ZNF700: variants seen among roughly 807,000 people sequenced by gnomAD.
ZNF700 encodes the protein zinc finger protein 700.
Under a neutral mutation model 65.3 loss-of-function variants are expected in ZNF700, and 38 were observed. The ratio of observed to expected loss-of-function variants is 0.58; its 90% CI spans 0.45 to 0.76. The LOEUF is 0.76. Among genes scored for constraint, ZNF700 ranks in the 30% least tolerant of loss-of-function variants. The pLI is 0.00. For synonymous variants in ZNF700, 285 were observed against 290.4 expected, an observed-to-expected ratio of 0.98 and a Z score of 0.19; for missense variants, 857 against 888.4, an observed-to-expected ratio of 0.96 and a Z score of 0.45.
intron 1 of ZNF700, among the ~76,000 whole-genome samples, chr19:11,943,427 T>G (rs780844620): frequency 1.3e-5 from 2 of 152,218 alleles, no homozygotes; most frequent in African/African-American, 2.4e-5. Flanking sequence ...GTTTTAGTAG[T>G]GATTATTTCT....
chr19:11,939,862 A>G (rs568761349), intron 1 of ZNF700: 1 of 152,344 alleles, frequency 6.6e-6, no homozygotes, highest in Admixed American at 6.5e-5. Context: ...ACAAATCTAC[A>G]TAAGTTCTGT....
chr19:11,927,210 C>T (rs1258838577), intron 1 of ZNF700, among the ~76,000 whole-genome samples: 1 of 151,852 alleles, frequency 6.6e-6, no homozygotes. Context: ...AAAAATTAGC[C>T]GGGTGTGGTG....
At chr19:11,931,883 A>G (rs566575238) in intron 1 of ZNF700, among the ~76,000 whole-genome samples, 8 of 148,302 alleles carry the variant, frequency 5.4e-5, no homozygotes, top group East Asian at 1.9e-4. Flanking sequence ...TAGGAGGTCA[A>G]TGCATGCAGA....
At chr19:11,925,843 ACC>A (rs1159997305) in intron 1 of ZNF700, among the ~76,000 whole-genome samples, 1 of 152,092 alleles carries the variant, frequency 6.6e-6, no homozygotes, top group East Asian at 1.9e-4. Context: ...GGGAAACACA[ACC>A]CCAAGCAGCC....
chr19:11,949,878 A>T lies in ZNF700; in HGVS notation c.1854A>T (p.Lys618Asn). ...ATGGTAGGACTCACACTGGAGAGAAACCCTATGAGTGTAAGCAATGTGGGA... is the reference window on the plus strand; with the variant it reads ...ATGGTAGGACTCACACTGGAGAGAATCCCTATGAGTGTAAGCAATGTGGGA... ...RKHGRTHTGE[K>N]PYECKQCGKA... Residue 618 changes from lysine to asparagine, a missense_variant, in exon 4 of 4, where the codon AAA becomes AAT. By Grantham distance (94) the Lys-to-Asn change is moderately conservative. Coordinates refer to ENST00000254321, the MANE Select transcript of ZNF700 (RefSeq NM_144566.3). 6.2e-7 allele frequency: 1 copy of T among 1,613,922 alleles called. No homozygotes were observed.
chr19:11,950,505 A>G lies in ZNF700; in HGVS notation c.*252A>G. ...TTCTAGTTCCGTTTGATATCATGAA[A>G]GGACTTACACTGGAGTGAAACCCTA... On this transcript the variant is annotated 3_prime_UTR_variant, in exon 4 of 4. Transcript: ENST00000254321. 1 of 647,554 alleles carries G rather than the reference A, an allele frequency of 1.5e-6. No individual in the cohort carries two copies. The highest frequency in any genetic ancestry group is 2.9e-5 in the East Asian group (1 of 34,006). The allele number at this position is 647,554 out of a possible 1,614,324, so 40.1% of individuals were successfully genotyped here.
chr19:11,927,405 C>G (rs930465686), intron 1 of ZNF700, among the ~76,000 whole-genome samples: 1 of 148,314 alleles, frequency 6.7e-6, no homozygotes. Flanking sequence ...GCCAACACAG[C>G]GAGACCCTGT....
At chr19:11,934,213 T>A (rs1972756349) in intron 1 of ZNF700, among the ~76,000 whole-genome samples, 1 of 148,036 alleles carries the variant, frequency 6.8e-6, no homozygotes, top group Non-Finnish European at 1.5e-5. Context: ...CTTGTTTGAG[T>A]CTAGTTTTTG....
rs757108495 is a variant in ZNF700 at position 11,948,667 on chromosome 19, A to G, written c.643A>G (p.Met215Val). 1.2e-6 allele frequency: 2 copies of G among 1,612,726 alleles called. No homozygotes were observed. The highest frequency in any genetic ancestry group is 1.7e-6 in the Non-Finnish European group (2 of 1,179,696). ...TTCAAGCATTCGAAGACACATGGTA[A>G]TGCACAGTGGGGATGGAACTTATAA... is the stretch of plus-strand genomic sequence containing the variant. ...FHSSIRRHMV[M>V]HSGDGTYKCK... The change falls in exon 4 of 4, where the codon ATG (methionine) becomes GTG (valine). Residue 215 changes from methionine to valine, a missense_variant. Physicochemically the swap from Met to Val is conservative, Grantham distance 21. Transcript: ENST00000254321.
At chr19:11,941,947 G>T (rs1053430657) in intron 1 of ZNF700, among the ~76,000 whole-genome samples, 5 of 149,612 alleles carry the variant, frequency 3.3e-5, no homozygotes, top group African/African-American at 1.2e-4. Context: ...GCCACCCCAG[G>T]AAGGTTGTAT....
chr19:11,949,496 T>G lies in ZNF700; in HGVS notation c.1472T>G (p.Ile491Ser), dbSNP rs1160901425. Residue 491 changes from isoleucine (I) to serine (S), a missense_variant, in exon 4 of 4, where the codon ATT (isoleucine) becomes AGT (serine). Physicochemically the swap from Ile to Ser is moderately radical, Grantham distance 142. Coordinates refer to ENST00000254321, the MANE Select transcript of ZNF700 (RefSeq NM_144566.3). ...TTCAGATATGTGAAGCACCTTCAAA[T>G]TCATGAAAGGACAGAAAAACACATA... ...KAFRYVKHLQ[I>S]HERTEKHIRM... 3 of 1,609,974 alleles carry G rather than the reference T, an allele frequency of 1.9e-6. No homozygotes were observed. The highest frequency in any genetic ancestry group is 2.5e-6 in the Non-Finnish European group (3 of 1,179,064).
At chr19:11,934,844 T>C (rs1214402209) in intron 1 of ZNF700, among the ~76,000 whole-genome samples, 3 of 147,698 alleles carry the variant, frequency 2.0e-5, no homozygotes, top group Non-Finnish European at 1.5e-5. Flanking sequence ...TTTCGCTCTT[T>C]AATGACACGT....
In ZNF700 at chr19:11,949,634, A is replaced by C; in HGVS notation, c.1610A>C (p.Glu537Ala). 1 of 1,613,968 alleles carries C rather than the reference A, an allele frequency of 6.2e-7. No individual in the cohort carries two copies. Among genetic ancestry groups the C allele is most frequent in the Middle Eastern group, 1.6e-4 (1 of 6,062 alleles). ...EKTHTGEKPYECNQCGKAFRC... is the reference protein window; with the variant it reads ...EKTHTGEKPYACNQCGKAFRC... ...ACTCACACTGGAGAGAAACCCTATG[A>C]ATGCAACCAATGTGGTAAAGCCTTC... is the stretch of plus-strand genomic sequence containing the variant. Residue 537 changes from glutamate to alanine, a missense_variant, in exon 4 of 4, where the codon GAA (glutamate) becomes GCA (alanine). Physicochemically the swap from Glu to Ala is moderately radical, Grantham distance 107. This residue lies in a region of ZNF700 where 251 missense variants were observed against 250.3 expected (regional missense o/e 1.00). Transcript: ENST00000254321.
At position 11,925,305 on chromosome 19, in the gene ZNF700, G is replaced by C. The variant is rs1972608169; in HGVS notation, c.63+32G>C. 9 of 1,608,410 alleles carry C rather than the reference G, an allele frequency of 5.6e-6. No homozygotes were observed. The South Asian group carries it at 9.9e-5, about 18-fold the overall frequency. On this transcript the variant is annotated intron_variant, in intron 1 of 3. Transcript: ENST00000254321. ...GTGCGGGACCAGATGTCGTGAGACGGGGGAGGGGCTGCCTGGAACAGGCGG... is the reference window on the plus strand; with the variant it reads ...GTGCGGGACCAGATGTCGTGAGACGCGGGAGGGGCTGCCTGGAACAGGCGG...
At chr19:11,942,534 G>A (rs1202683609) in intron 1 of ZNF700, among the ~76,000 whole-genome samples, 1 of 152,148 alleles carries the variant, frequency 6.6e-6, no homozygotes, top group East Asian at 1.9e-4. Flanking sequence ...TCGGCCAGGA[G>A]CGTCAGCAGA....
intron 1 of ZNF700, among the ~76,000 whole-genome samples, chr19:11,938,839 C>G (rs552063065): frequency 1.2e-4 from 18 of 152,262 alleles, no homozygotes; most frequent in African/African-American, 3.9e-4. Flanking sequence ...TACAGTCCCA[C>G]CAACAGTGTA....
At chr19:11,935,362 G>T (rs1270702157) in intron 1 of ZNF700, among the ~76,000 whole-genome samples, 1 of 149,666 alleles carries the variant, frequency 6.7e-6, no homozygotes, top group Admixed American at 6.7e-5. Context: ...TCAGCCTCCA[G>T]AGTAGGTGGG....
intron 1 of ZNF700, among the ~76,000 whole-genome samples, chr19:11,943,486 TC>T (rs1972916019): frequency 1.3e-5 from 2 of 152,220 alleles, no homozygotes; most frequent in African/African-American, 4.8e-5. Context: ...AATGGGGGTC[TC>T]TTTTTTTTCT....
At chr19:11,925,960 T>C (rs1406378926) in intron 1 of ZNF700, among the ~76,000 whole-genome samples, 1 of 152,054 alleles carries the variant, frequency 6.6e-6, no homozygotes, top group Non-Finnish European at 1.5e-5. Context: ...AAGGTGTAAG[T>C]TCCATTGGCA....
Sources: gnomAD v4.1 joint callset for allele counts (sites outside exome capture counted in the v4.1 genomes callset) on GRCh38, gnomAD v4.1.1 for gene constraint, gnomAD v4.1.1 regional missense constraint, MANE v1.5 for transcripts, NCBI Gene and HGNC (gene_info 2026-07-23, HGNC 2026-07-21) for gene names.